Variants in IL25 observed in about 807,000 individuals in gnomAD.
The protein encoded by IL25 is interleukin-25.
Under a neutral mutation model 13.2 loss-of-function variants are expected in IL25, and 10 were observed. The observed-to-expected ratio is 0.76, with a 90% confidence interval of 0.47 to 1.29. The LOEUF (loss-of-function observed/expected upper bound fraction) is 1.29. IL25 is among the 50% of genes most tolerant of loss of function. IL25 has a pLI of 0.00. For missense variants in IL25, 235 were observed against 232.4 expected, an observed-to-expected ratio of 1.01 and a Z score of -0.07; for synonymous variants, 107 against 92.1, an observed-to-expected ratio of 1.16 and a Z score of -0.93.
chr14:23,373,529 G>A lies in IL25; in HGVS notation c.278+133G>A. ...CTGTAAAGGTTTGGGAGTTAGACAAGGTCTGTATTTGAGTCCTAGCTCTGA... is the reference window on the plus strand; with the variant it reads ...CTGTAAAGGTTTGGGAGTTAGACAAAGTCTGTATTTGAGTCCTAGCTCTGA... On this transcript the variant is annotated intron_variant, in intron 1 of 1. Coordinates refer to ENST00000329715, the Ensembl canonical transcript of IL25. 4.0e-6 allele frequency: 3 copies of A among 756,988 alleles called. No homozygotes were observed. The South Asian group carries it at 5.6e-5, about 14-fold the overall frequency. 46.9% of individuals were successfully genotyped at this position (756,988 alleles called of 1,614,324 possible). A position where few individuals can be genotyped will look rare whatever the true frequency, so the allele number is the denominator to read the frequency against.
At chr14:23,373,689 AT>A (rs1223067353) in intron 1 of IL25, among the ~76,000 whole-genome samples, 5 of 151,718 alleles carry the variant, frequency 3.3e-5, no homozygotes, top group Non-Finnish European at 2.9e-5. Flanking sequence ...AAAAGTCTGT[AT>A]TTATGTTGGT....
chr14:23,373,601 G>GTT (rs534803213), intron 1 of IL25, among the ~76,000 whole-genome samples: 2 of 144,858 alleles, frequency 1.4e-5, no homozygotes, highest in African/African-American at 2.5e-5. Context: ...AAAACTCAGG[G>GTT]TTTTTTTTTT....
chr14:23,373,296 C>A (rs1379358407), exon 1 of IL25: 2 of 1,614,034 alleles, frequency 1.2e-6, no homozygotes, highest in African/African-American at 2.7e-5. Flanking sequence ...TGTGCCTGTG[C>A]CTCCCCTAGA....
chr14:23,374,823 G>A lies in IL25; in HGVS notation c.279-802G>A, dbSNP rs750383863. On this transcript the variant is annotated intron_variant, in intron 1 of 1. Coordinates refer to ENST00000329715, the Ensembl canonical transcript of IL25. ...TGCTTATAATATAAGCTTGCACAGCGTCTGGAAGAATGTGCAGGAAATAGT... is the reference window on the plus strand; with the variant it reads ...TGCTTATAATATAAGCTTGCACAGCATCTGGAAGAATGTGCAGGAAATAGT... Among the ~76,000 whole-genome samples, 9 of 151,792 alleles carry A rather than the reference G, an allele frequency of 5.9e-5. No homozygotes were observed. In the East Asian group the frequency reaches 1.4e-3, roughly 23 times the overall value.
In IL25 at chr14:23,375,633, GAGACTTGAACCGGC is replaced by G. The variant is rs776674416; in HGVS notation, c.288_301del (p.Arg96SerfsTer112). The G allele has an allele frequency of 2.5e-6, 4 of 1,613,382 alleles. No homozygotes were observed. The highest frequency in any genetic ancestry group is 3.4e-6 in the Non-Finnish European group (4 of 1,179,444). ...AAGTGCCGCCCCCACAGGTTGGACA[GAGACTTGAACCGGC>G]TCCCCCAGGACCTGTACCACGCCCG... On this transcript the variant is annotated frameshift_variant, in exon 2 of 2. Transcript: ENST00000329715. LOFTEE classifies it high-confidence loss of function.
intron 1 of IL25, among the ~76,000 whole-genome samples, chr14:23,374,884 G>A (rs1890497438): frequency 6.6e-6 from 1 of 152,074 alleles, no homozygotes; most frequent in African/African-American, 2.4e-5. Context: ...GGGCTGGTAG[G>A]GAGAGACTAT....
chr14:23,373,357 G>A (rs904291419), exon 1 of IL25: 1 of 1,613,710 alleles, frequency 6.2e-7, no homozygotes, highest in Non-Finnish European at 8.5e-7. Context: ...AGTGAAGATG[G>A]ACCCCTCAAC....
At chr14:23,374,712 ATCTT>A (rs200247185) in intron 1 of IL25, among the ~76,000 whole-genome samples, 4,124 of 144,102 alleles carry the variant, frequency 0.029, 88 homozygotes, top group Middle Eastern at 0.082. Context: ...AGTGTTTTTC[ATCTT>A]TCTTTCTTTC....
chr14:23,375,551 G>A, intron 1 of IL25, 74 bp from the exon 3 acceptor site: 1 of 1,545,642 alleles, frequency 6.5e-7, no homozygotes, highest in Non-Finnish European at 8.8e-7. Flanking sequence ...TCCTTCTTCT[G>A]GCACTCCCAT....
exon 2 of IL25, chr14:23,375,685 G>C: frequency 1.2e-6 from 2 of 1,614,150 alleles, no homozygotes; most frequent in Non-Finnish European, 1.7e-6. Context: ...GCCTGTGCCC[G>C]CACTGCGTCA....
exon 2 of IL25, chr14:23,375,796 C>A: frequency 6.2e-7 from 1 of 1,614,252 alleles, no homozygotes; most frequent in Middle Eastern, 1.6e-4. Context: ...GCGAGAAGGG[C>A]ACCCACAAGG....
At chr14:23,373,146 G>A in exon 1 of IL25, 1 of 1,614,176 alleles carries the variant, frequency 6.2e-7, no homozygotes, top group Non-Finnish European at 8.5e-7. Context: ...ATTAGGTGAG[G>A]ACAGTTCTCT....
Position 23,375,856 on chromosome 14 carries a change from T to A in IL25, c.510T>A (p.Cys170Ter). 1 of 1,614,162 alleles carries A rather than the reference T, an allele frequency of 6.2e-7. No individual in the cohort carries two copies. The highest frequency in any genetic ancestry group is 8.5e-7 in the Non-Finnish European group (1 of 1,179,998). The change falls in exon 2 of 2, where the codon TGT becomes TGA. Residue 170 changes from cysteine (C) to a stop codon, truncating the protein, a stop_gained. Transcript: ENST00000329715. LOFTEE classifies it high-confidence loss of function. Reference sequence around the variant, plus strand: ...ACCGTGTTTCCTTAGCTTGTGTGTGTGTGCGGCCCCGTGTGATGGGCTAGC... The same window carrying A: ...ACCGTGTTTCCTTAGCTTGTGTGTGAGTGCGGCCCCGTGTGATGGGCTAGC...
intron 1 of IL25, among the ~76,000 whole-genome samples, chr14:23,374,022 G>A (rs1890478548): frequency 6.6e-6 from 1 of 152,166 alleles, no homozygotes; most frequent in Admixed American, 6.5e-5. Context: ...AAATATGAAT[G>A]ATGAAGCAAA....
chr14:23,372,880 C>T, exon 1 of IL25: 1 of 1,228,788 alleles, frequency 8.1e-7, no homozygotes, highest in Non-Finnish European at 1.2e-6. Flanking sequence ...AAAATAAAAT[C>T]AGGACTCCTA....
At chr14:23,375,498 G>A in intron 1 of IL25, 127 bp from the exon 3 acceptor site, 1 of 1,174,690 alleles carries the variant, frequency 8.5e-7, no homozygotes, top group African/African-American at 1.5e-5. Flanking sequence ...CAGCAAGTGG[G>A]TTCAGAACTG....
exon 1 of IL25, chr14:23,373,120 T>G: frequency 6.2e-7 from 1 of 1,613,978 alleles, no homozygotes; most frequent in Non-Finnish European, 8.5e-7. Context: ...AGGGTGCAGA[T>G]GAGGGAGCGA....
chr14:23,374,771 A>G lies in IL25; in HGVS notation c.279-854A>G, dbSNP rs576302301. On this transcript the variant is annotated intron_variant, in intron 1 of 1. Transcript: ENST00000329715. ...CATGAAATCCTTTCAGAATAAGTAA[A>G]TAAGTCTTCCCATGCACTCTCAAGT... 2.0e-5 allele frequency among the ~76,000 whole-genome samples: 3 copies of G among 151,940 alleles called. No individual in the cohort carries two copies. In the South Asian group the frequency reaches 6.2e-4, roughly 32 times the overall value.
At chr14:23,375,733 C>T (rs1255026750) in exon 2 of IL25, 2 of 1,614,250 alleles carry the variant, frequency 1.2e-6, no homozygotes, top group African/African-American at 1.3e-5. Context: ...CCCGGGGCAA[C>T]TCGGAGCTGC....
Sources: gnomAD v4.1 joint callset for allele counts (sites outside exome capture counted in the v4.1 genomes callset) on GRCh38, gnomAD v4.1.1 for gene constraint, MANE v1.5 for transcripts, NCBI Gene and HGNC (gene_info 2026-07-23, HGNC 2026-07-21) for gene names.